GPC6: variants seen among roughly 807,000 people sequenced by gnomAD.
GPC6 encodes the protein glypican-6.
Under a neutral mutation model 55.2 loss-of-function variants are expected in GPC6, and 14 were observed. The observed-to-expected ratio is 0.25, with a 90% confidence interval of 0.17 to 0.40. The LOEUF (loss-of-function observed/expected upper bound fraction) is 0.40. Among genes scored for constraint, GPC6 ranks in the 10% least tolerant of loss-of-function variants. The pLI is 1.00. For missense variants in GPC6, 641 were observed against 708.5 expected (o/e 0.90, Z 1.08); for synonymous variants, 278 against 259.6 (o/e 1.07, Z -0.68).
intron 4 of GPC6, among the ~76,000 whole-genome samples, chr13:94,185,818 C>T (rs910837659): frequency 1.3e-5 from 2 of 151,686 alleles, no homozygotes; most frequent in Admixed American, 1.3e-4. Flanking sequence ...TTTAGCACTT[C>T]AGGAGGCTGA....
intron 4 of GPC6, among the ~76,000 whole-genome samples, chr13:94,114,808 GC>G (rs1256063456): frequency 2.0e-5 from 3 of 152,084 alleles, no homozygotes; most frequent in Admixed American, 1.3e-4. Flanking sequence ...TAGAAGCCAA[GC>G]TTAATGCTTT....
At chr13:93,748,562 CCGTTT>C (rs1283482225) in intron 2 of GPC6, among the ~76,000 whole-genome samples, 5 of 152,008 alleles carry the variant, frequency 3.3e-5, no homozygotes, top group African/African-American at 1.2e-4. Flanking sequence ...AGGAATTTTG[CCGTTT>C]ATGGCTTCAT....
At chr13:93,484,486 T>G (rs1879632562) in intron 1 of GPC6, among the ~76,000 whole-genome samples, 1 of 152,152 alleles carries the variant, frequency 6.6e-6, no homozygotes. Context: ...TTTGGGAATA[T>G]TATAATTTTC....
intron 1 of GPC6, among the ~76,000 whole-genome samples, chr13:93,431,996 G>T (rs2139275536): frequency 6.6e-6 from 1 of 152,222 alleles, no homozygotes; most frequent in South Asian, 2.1e-4. Context: ...TCTTTCATCT[G>T]AAATGTGTCC....
At chr13:94,070,616 T>A (rs754048732) in intron 4 of GPC6, among the ~76,000 whole-genome samples, 7 of 152,226 alleles carry the variant, frequency 4.6e-5, no homozygotes, top group Non-Finnish European at 7.3e-5. Flanking sequence ...ATGAGATAAT[T>A]CAGTGTTGAA....
At chr13:93,672,825 C>G (rs1881428460) in intron 2 of GPC6, among the ~76,000 whole-genome samples, 1 of 151,928 alleles carries the variant, frequency 6.6e-6, no homozygotes, top group Non-Finnish European at 1.5e-5. Flanking sequence ...GTGCACCATA[C>G]AGTTTCATGA....
At chr13:93,606,787 G>A (rs1878254224) in intron 2 of GPC6, among the ~76,000 whole-genome samples, 1 of 151,782 alleles carries the variant, frequency 6.6e-6, no homozygotes, top group African/African-American at 2.4e-5. Context: ...TGATCTACCT[G>A]CTACTTCTCT....
At chr13:94,251,907 G>A (rs1007083803) in intron 4 of GPC6, among the ~76,000 whole-genome samples, 3 of 152,078 alleles carry the variant, frequency 2.0e-5, no homozygotes, top group Non-Finnish European at 4.4e-5. Context: ...CATCGACTAT[G>A]CCTGTAGCTA....
At position 93,689,628 on chromosome 13, in the gene GPC6, G is replaced by A. The variant is rs547286521; in HGVS notation, c.320-140526G>A. ...CCTGTTTGTAAATTGTATGTATATG[G>A]TCCTATTTCCCATTTTTCTCTGTCT... On this transcript the variant is annotated intron_variant, in intron 2 of 8. Coordinates refer to ENST00000377047, the MANE Select transcript of GPC6 (RefSeq NM_005708.5). Among the ~76,000 whole-genome samples, 265 of 152,168 alleles carry A rather than the reference G, an allele frequency of 1.7e-3. 2 individuals carry two copies. Among genetic ancestry groups the A allele is most frequent in the African/African-American group, 6.0e-3 (249 of 41,546 alleles).
intron 1 of GPC6, among the ~76,000 whole-genome samples, chr13:93,261,924 CTACACACACACACA>C (rs1225826094): frequency 8.2e-6 from 1 of 121,898 alleles, no homozygotes; most frequent in Non-Finnish European, 1.7e-5. Flanking sequence ...ATCTCTCCCT[CTACACACACACACA>C]CACACACACA....
At chr13:93,607,454 G>T (rs1566447037) in intron 2 of GPC6, among the ~76,000 whole-genome samples, 1 of 152,158 alleles carries the variant, frequency 6.6e-6, no homozygotes, top group Non-Finnish European at 1.5e-5. Flanking sequence ...GATTGTAGAA[G>T]ATTTGGAAAG....
chr13:93,628,437 C>T (rs1879295008), intron 2 of GPC6, among the ~76,000 whole-genome samples: 1 of 152,124 alleles, frequency 6.6e-6, no homozygotes, highest in Admixed American at 6.5e-5. Flanking sequence ...TGTAGTCTGC[C>T]AACATGCACC....
intron 1 of GPC6, among the ~76,000 whole-genome samples, chr13:93,402,010 C>A (rs1388918324): frequency 1.3e-5 from 2 of 152,088 alleles, no homozygotes; most frequent in Admixed American, 6.6e-5. Flanking sequence ...CATTATCTCC[C>A]TTAATTGGAC....
At chr13:93,434,509 G>T (rs755003271) in intron 1 of GPC6, among the ~76,000 whole-genome samples, 1 of 152,238 alleles carries the variant, frequency 6.6e-6, no homozygotes, top group South Asian at 2.1e-4. Flanking sequence ...TATAATAAGG[G>T]TAAACAAATT....
At chr13:93,419,585 G>C (rs755689703) in intron 1 of GPC6, among the ~76,000 whole-genome samples, 2 of 152,070 alleles carry the variant, frequency 1.3e-5, no homozygotes. Flanking sequence ...ACGGAAATGT[G>C]TATTTTTATA....
chr13:94,039,773 G>A (rs1174131747), intron 4 of GPC6, among the ~76,000 whole-genome samples: 1 of 151,706 alleles, frequency 6.6e-6, no homozygotes, highest in South Asian at 2.1e-4. Context: ...TCCCCATCTT[G>A]GGCTCCATAC....
At chr13:94,355,433 T>G (rs1334726462) in intron 6 of GPC6, among the ~76,000 whole-genome samples, 1 of 152,194 alleles carries the variant, frequency 6.6e-6, no homozygotes, top group African/African-American at 2.4e-5. Flanking sequence ...TTTTCATGCA[T>G]GCACTATTGC....
In GPC6 at chr13:93,813,481, C is replaced by T. The variant is rs1207602028; in HGVS notation, c.320-16673C>T. Reference sequence around the variant, plus strand: ...TTTGCTTTAGATGTTTTTCCAGCTGCGATATTGAAATGAAATAGCAAAAGA... The same window carrying T: ...TTTGCTTTAGATGTTTTTCCAGCTGTGATATTGAAATGAAATAGCAAAAGA... On this transcript the variant is annotated intron_variant, in intron 2 of 8. Transcript: ENST00000377047. Among the ~76,000 whole-genome samples the T allele has an allele frequency of 2.6e-5, 4 of 151,798 alleles. No homozygotes were observed. In the South Asian group the frequency reaches 6.2e-4, roughly 24 times the overall value.
intron 3 of GPC6, among the ~76,000 whole-genome samples, chr13:93,977,942 C>T (rs979167720): frequency 6.6e-6 from 1 of 152,282 alleles, no homozygotes; most frequent in Admixed American, 6.5e-5. Flanking sequence ...GCTTTGATTA[C>T]TGTCTAAAAT....
Sources: gnomAD v4.1 joint callset for allele counts (sites outside exome capture counted in the v4.1 genomes callset) on GRCh38, gnomAD v4.1.1 for gene constraint, MANE v1.5 for transcripts, NCBI Gene and HGNC (gene_info 2026-07-23, HGNC 2026-07-21) for gene names.